COL5A2: variants seen among roughly 807,000 people sequenced by gnomAD.
COL5A2 encodes collagen alpha-2(V) chain.
In COL5A2, 23 loss-of-function variants were observed where a neutral mutation model predicts 208.2. That is an observed-to-expected ratio of 0.11 (90% CI 0.08 to 0.16). The LOEUF is 0.16. Ranked by LOEUF, COL5A2 falls within the 10% of genes least tolerant of loss-of-function variation. COL5A2 has a pLI of 1.00. For missense variants in COL5A2, 1,590 were observed against 1,956.4 expected (o/e 0.81, Z 3.53); for synonymous variants, 625 against 628.5 (o/e 0.99, Z 0.08).
At chr2:189,261,987 A>T in the COL5A2 span, among the ~76,000 whole-genome samples, 1 of 152,196 alleles carries the variant, frequency 6.6e-6, no homozygotes, top group Non-Finnish European at 1.5e-5. Context: ...AATCTTGATG[A>T]AAATATAAAT....
chr2:189,084,620 C>T (rs2105647328), intron 11 of COL5A2, among the ~76,000 whole-genome samples: 1 of 152,248 alleles, frequency 6.6e-6, no homozygotes, highest in South Asian at 2.1e-4. Context: ...AACTAAGAAT[C>T]TAGAAATGTA....
At chr2:189,391,686 G>A in the COL5A2 span, among the ~76,000 whole-genome samples, 1 of 151,876 alleles carries the variant, frequency 6.6e-6, no homozygotes, top group African/African-American at 2.4e-5. Context: ...CTAAAAAGAT[G>A]GATTTATAAA....
At chr2:189,439,991 T>A in the COL5A2 span, among the ~76,000 whole-genome samples, 1 of 152,198 alleles carries the variant, frequency 6.6e-6, no homozygotes, top group Admixed American at 6.5e-5. Context: ...AAAAGTGATA[T>A]TTTACACTCC....
Position 189,032,811 on chromosome 2 carries a change from T to C in COL5A2, c.*1259A>G, listed in dbSNP as rs1409726808. ...TCAGAAACGGGAAGTCTAACAGTTA[T>C]GTTTTCACAATGGTAGTGATTAAAC... On this transcript the variant is annotated 3_prime_UTR_variant, in exon 54 of 54. Transcript: ENST00000374866. 3 of 152,616 alleles carry C rather than the reference T, an allele frequency of 2.0e-5. No homozygotes were observed. The highest frequency in any genetic ancestry group is 2.1e-4 in the South Asian group (1 of 4,832). 9.5% of individuals were successfully genotyped at this position (152,616 alleles called of 1,614,324 possible). A position where few individuals can be genotyped will look rare whatever the true frequency, so the allele number is the denominator to read the frequency against.
At chr2:189,168,864 T>C (rs1274680926) in intron 1 of COL5A2, among the ~76,000 whole-genome samples, 2 of 152,194 alleles carry the variant, frequency 1.3e-5, no homozygotes, top group East Asian at 3.8e-4. Flanking sequence ...TATTATGAAT[T>C]TGAAAACCTA....
At chr2:189,403,387 T>G in the COL5A2 span, among the ~76,000 whole-genome samples, 3 of 152,250 alleles carry the variant, frequency 2.0e-5, no homozygotes, top group African/African-American at 7.2e-5. Flanking sequence ...TCTTCTTATC[T>G]GAATACACTT....
the COL5A2 span, among the ~76,000 whole-genome samples, chr2:189,302,668 C>A: frequency 6.6e-6 from 1 of 152,130 alleles, no homozygotes; most frequent in African/African-American, 2.4e-5. Context: ...TGAACAAATG[C>A]ATTTTAAATT....
At chr2:189,429,605 A>G in the COL5A2 span, among the ~76,000 whole-genome samples, 2 of 152,252 alleles carry the variant, frequency 1.3e-5, no homozygotes, top group Non-Finnish European at 2.9e-5. Context: ...TAGCAACTCC[A>G]CAGGCTTCCA....
the COL5A2 span, among the ~76,000 whole-genome samples, chr2:189,325,819 A>C: frequency 6.6e-6 from 1 of 152,188 alleles, no homozygotes; most frequent in Admixed American, 6.6e-5. Flanking sequence ...TTAGAAGGCC[A>C]GGCGCAGTGG....
At chr2:189,229,441 C>CTCACA (rs142378598), upstream of COL5A2, among the ~76,000 whole-genome samples, 2 of 107,224 alleles carry the variant, frequency 1.9e-5, no homozygotes, top group African/African-American at 6.1e-5. Flanking sequence ...TACACACACA[C>CTCACA]AAAAAAAAAA....
the COL5A2 span, among the ~76,000 whole-genome samples, chr2:189,294,218 C>T: frequency 6.6e-6 from 1 of 152,096 alleles, no homozygotes; most frequent in Non-Finnish European, 1.5e-5. Flanking sequence ...TTCCTGGAAT[C>T]GGCATTCAAA....
intron 24 of COL5A2, 76 bp downstream of exon 24, chr2:189,064,928 T>C: frequency 1.4e-6 from 2 of 1,384,826 alleles, no homozygotes; most frequent in Non-Finnish European, 2.0e-6. Flanking sequence ...AGGCCATAGC[T>C]AGATCACCGT....
intron 1 of COL5A2, among the ~76,000 whole-genome samples, chr2:189,167,646 G>A (rs1688491993): frequency 6.9e-6 from 1 of 145,690 alleles, no homozygotes; most frequent in Admixed American, 7.1e-5. Flanking sequence ...AAATAGGGAA[G>A]GATTGAAGAA....
the COL5A2 span, among the ~76,000 whole-genome samples, chr2:189,323,645 C>T: frequency 2.0e-5 from 3 of 152,270 alleles, no homozygotes; most frequent in East Asian, 5.8e-4. Flanking sequence ...AGGAGAACTA[C>T]AAACCACTGC....
the COL5A2 span, among the ~76,000 whole-genome samples, chr2:189,398,409 C>T: frequency 2.6e-5 from 4 of 152,054 alleles, no homozygotes; most frequent in Non-Finnish European, 5.9e-5. Context: ...CCATTTAGTA[C>T]TGTCAATGCT....
At chr2:189,117,865 C>G (rs1248090204) in intron 1 of COL5A2, among the ~76,000 whole-genome samples, 1 of 151,798 alleles carries the variant, frequency 6.6e-6, no homozygotes, top group African/African-American at 2.4e-5. Flanking sequence ...ATTTTGCTTC[C>G]TTTGTTGATA....
At chr2:189,089,444 T>C (rs1037253878) in intron 7 of COL5A2, among the ~76,000 whole-genome samples, 2 of 152,194 alleles carry the variant, frequency 1.3e-5, no homozygotes, top group African/African-American at 4.8e-5. Context: ...GTGTGTACTG[T>C]TTATAAATAA....
At chr2:189,432,892 C>G in the COL5A2 span, among the ~76,000 whole-genome samples, 1 of 152,176 alleles carries the variant, frequency 6.6e-6, no homozygotes, top group Non-Finnish European at 1.5e-5. Flanking sequence ...TTCTCTGCGC[C>G]ACATCGCCCT....
Position 189,081,014 on chromosome 2 carries a change from A to G in COL5A2, c.882T>C (p.Gly294=), listed in dbSNP as rs1337081049. The change falls in exon 13 of 54, where the codon GGT becomes GGC. Residue 294 remains glycine (G), a synonymous_variant. Transcript: ENST00000374866. ...CTCGGTGACCCTTCAGACCTGGAAG[A>G]CCAGGAGCCCCAGGAAATCCACGAG... is the stretch of plus-strand genomic sequence containing the variant. ...PGARGFPGAP[G]LPGLKGHRGH... The G allele has an allele frequency of 1.2e-6, 2 of 1,613,612 alleles. No individual in the cohort carries two copies. The highest frequency in any genetic ancestry group is 1.7e-6 in the Non-Finnish European group (2 of 1,179,614).
Sources: allele counts gnomAD v4.1 joint callset (sites outside exome capture counted in the v4.1 genomes callset), GRCh38; gene constraint gnomAD v4.1.1; transcripts MANE v1.5; gene names NCBI Gene and HGNC (gene_info 2026-07-23, HGNC 2026-07-21).